The following SPINK6 variants were observed in gnomAD, a reference collection of about 807,000 sequenced individuals.
The protein encoded by SPINK6 is serine protease inhibitor Kazal-type 6.
Under a neutral mutation model 11.7 loss-of-function variants are expected in SPINK6, and 13 were observed. The observed-to-expected ratio is 1.11, with a 90% confidence interval of 0.72 to 1.76. SPINK6 has a LOEUF of 1.76. Among genes scored for constraint, SPINK6 ranks in the 40% most tolerant of loss-of-function variants. The pLI is 0.00. For synonymous variants in SPINK6, 21 were observed against 31.9 expected, an observed-to-expected ratio of 0.66 and a Z score of 1.15; for missense variants, 98 against 93.7, an observed-to-expected ratio of 1.05 and a Z score of -0.19.
At chr5:148,213,558 A>G (rs1269032110) in intron 2 of SPINK6, among the ~76,000 whole-genome samples, 1 of 152,092 alleles carries the variant, frequency 6.6e-6, no homozygotes, top group Non-Finnish European at 1.5e-5. Context: ...TGATGTTTAA[A>G]AAGTCGTTTC....
chr5:148,212,486 ATATATATATATAAAGTATATATTT>A (rs1287746936), intron 2 of SPINK6, among the ~76,000 whole-genome samples: 2 of 29,822 alleles, frequency 6.7e-5, no homozygotes, highest in Non-Finnish European at 1.8e-4. Flanking sequence ...TTTTTTATAT[ATATATATATATAAAGTATATATTT>A]TATATATATA....
chr5:148,203,207 T>TAAAC, intron 1 of SPINK6, 53 bp downstream of exon 1: 3 of 1,284,060 alleles, frequency 2.3e-6, no homozygotes, highest in Non-Finnish European at 2.2e-6. Flanking sequence ...CTGGATATGA[T>TAAAC]GAGTAGTTGT....
At chr5:148,202,902 C>G (rs1581138929), upstream of SPINK6, 11 of 458,624 alleles carry the variant, frequency 2.4e-5, no homozygotes, top group East Asian at 3.6e-4. Flanking sequence ...AGGTGCGACA[C>G]ACATAATTGT....
intron 1 of SPINK6, among the ~76,000 whole-genome samples, chr5:148,204,284 A>C (rs2113305061): frequency 6.6e-6 from 1 of 152,204 alleles, no homozygotes; most frequent in Non-Finnish European, 1.5e-5. Context: ...TGACTACTAA[A>C]GCCAAATAAC....
At chr5:148,212,704 C>T (rs868451175) in intron 2 of SPINK6, among the ~76,000 whole-genome samples, 149 of 104,164 alleles carry the variant, frequency 1.4e-3, no homozygotes, top group African/African-American at 2.1e-3. Flanking sequence ...TATATTTATA[C>T]AATATATAGT....
At chr5:148,209,969 T>TACGTATGTATGTATACATGCAC (rs1561732069) in intron 2 of SPINK6, among the ~76,000 whole-genome samples, 1 of 126,610 alleles carries the variant, frequency 7.9e-6, no homozygotes, top group Non-Finnish European at 1.7e-5. Context: ...TATACATACA[T>TACGTATGTATGTATACATGCAC]ACGTACGTAT....
chr5:148,205,747 C>T (rs1755488851), intron 1 of SPINK6, among the ~76,000 whole-genome samples: 1 of 152,024 alleles, frequency 6.6e-6, no homozygotes, highest in Non-Finnish European at 1.5e-5. Flanking sequence ...TGGGCTAGGA[C>T]TGTAACATGA....
At chr5:148,207,488 A>G (rs1755514829) in intron 2 of SPINK6, among the ~76,000 whole-genome samples, 2 of 152,074 alleles carry the variant, frequency 1.3e-5, no homozygotes, top group African/African-American at 4.8e-5. Context: ...ATGGCAAAGT[A>G]TAGCTGCTCA....
At chr5:148,207,994 A>G (rs1313138534) in intron 2 of SPINK6, among the ~76,000 whole-genome samples, 1 of 152,118 alleles carries the variant, frequency 6.6e-6, no homozygotes, top group African/African-American at 2.4e-5. Context: ...TATCCAGATG[A>G]CATTTATACA....
Position 148,203,055 on chromosome 5 carries a change from G to A in SPINK6, c.-42G>A, listed in dbSNP as rs1435952214. 4.5e-6 allele frequency: 7 copies of A among 1,560,488 alleles called. No individual in the cohort carries two copies. On this transcript the variant is annotated 5_prime_UTR_variant, in exon 1 of 4. Coordinates refer to ENST00000325630, the MANE Select transcript of SPINK6 (RefSeq NM_205841.4). Reference sequence around the variant, plus strand: ...GGAATTGTCTTGACAGAGAACCTCAGCTGGACAAAGCAGCCTTGATCTGAG... The same window carrying A: ...GGAATTGTCTTGACAGAGAACCTCAACTGGACAAAGCAGCCTTGATCTGAG...
chr5:148,212,592 T>A (rs12654120), intron 2 of SPINK6, among the ~76,000 whole-genome samples: 1 of 105,806 alleles, frequency 9.5e-6, no homozygotes, highest in Admixed American at 1.3e-4. Flanking sequence ...TAAATATATT[T>A]TATATAATAT....
In SPINK6 at chr5:148,209,804, T is replaced by C. The variant is rs1329120238; in HGVS notation, c.81+3746T>C. On this transcript the variant is annotated intron_variant, in intron 2 of 3. Transcript: ENST00000325630. ...GGCAATGTTTCCATCTGAGGGAGGG[T>C]TGGAGAATCTAAAAAATGCTGCTAT... 4.6e-5 allele frequency among the ~76,000 whole-genome samples: 7 copies of C among 151,138 alleles called. No individual in the cohort carries two copies. The East Asian group carries it at 1.4e-3, about 29-fold the overall frequency.
chr5:148,205,973 T>C, intron 1 of SPINK6, 63 bp from the exon 2 acceptor site: 1 of 1,574,728 alleles, frequency 6.4e-7, no homozygotes, highest in Non-Finnish European at 8.7e-7. Context: ...TTCCTAATGT[T>C]GAAAATTTCA....
intron 1 of SPINK6, among the ~76,000 whole-genome samples, chr5:148,204,092 A>G (rs533893203): frequency 1.3e-5 from 2 of 152,106 alleles, no homozygotes; most frequent in Admixed American, 6.6e-5. Flanking sequence ...GTGTGACAGT[A>G]GCAGATGAAT....
In SPINK6 at chr5:148,203,103, C is replaced by G; in HGVS notation, c.7C>G (p.Leu3Val). Residue 3 changes from leucine (L) to valine (V), a missense_variant, in exon 1 of 4, where the codon CTG becomes GTG. Physicochemically the swap from Leu to Val is conservative, Grantham distance 32 (BLOSUM62 1). Transcript: ENST00000325630. Reference protein sequence around the residue: MKLSGMFLLLSLA... With the variant: MKVSGMFLLLSLA... ...GAGTGAGCTAACTGACACAATGAAA[C>G]TGTCAGGCATGTTTCTGCTCCTCTC... The G allele has an allele frequency of 6.2e-7, 1 of 1,610,118 alleles. No individual in the cohort carries two copies. Among genetic ancestry groups the G allele is most frequent in the Non-Finnish European group, 8.5e-7 (1 of 1,179,016 alleles).
intron 1 of SPINK6, among the ~76,000 whole-genome samples, chr5:148,205,357 C>A (rs1005643781): frequency 1.3e-5 from 2 of 152,116 alleles, no homozygotes; most frequent in East Asian, 1.9e-4. Flanking sequence ...TTTTAAACCA[C>A]TGAACTAATT....
chr5:148,209,921 A>G (rs976882602), intron 2 of SPINK6, among the ~76,000 whole-genome samples: 14 of 29,102 alleles, frequency 4.8e-4, no homozygotes, highest in African/African-American at 1.0e-3. Flanking sequence ...AAATGTCTTA[A>G]GTATGAATGA....
intron 1 of SPINK6, among the ~76,000 whole-genome samples, chr5:148,205,367 T>C (rs897173035): frequency 1.3e-5 from 2 of 152,150 alleles, no homozygotes; most frequent in African/African-American, 4.8e-5. Context: ...CTGAACTAAT[T>C]AGTCACACAA....
intron 2 of SPINK6, 76 bp downstream of exon 2, chr5:148,206,134 G>A: frequency 1.3e-6 from 2 of 1,543,416 alleles, no homozygotes; most frequent in Non-Finnish European, 1.8e-6. Flanking sequence ...AAAGAAATTT[G>A]TCTATGGTTA....
Sources: gnomAD v4.1 joint callset for allele counts (sites outside exome capture counted in the v4.1 genomes callset) on GRCh38, gnomAD v4.1.1 for gene constraint, MANE v1.5 for transcripts, NCBI Gene and HGNC (gene_info 2026-07-23, HGNC 2026-07-21) for gene names.